The following KCNIP4 variants were observed in gnomAD, a reference collection of about 807,000 sequenced individuals.
The protein encoded by KCNIP4 is potassium voltage-gated channel interacting protein 4.
A neutral mutation model predicts 34.0 loss-of-function variants in KCNIP4; 12 were observed. The observed-to-expected ratio is 0.35, with a 90% CI of 0.23 to 0.57. The LOEUF (loss-of-function observed/expected upper bound fraction) is 0.57, where lower values mean the gene tolerates loss of function less well. Among genes scored for constraint, KCNIP4 ranks in the 20% least tolerant of loss-of-function variants. The pLI, the probability that KCNIP4 is intolerant of heterozygous loss-of-function variation, is 0.83. For synonymous variants in KCNIP4, 124 were observed against 102.2 expected (o/e 1.21, Z -1.29); for missense variants, 238 against 311.7 (o/e 0.76, Z 1.78).
intron 1 of KCNIP4, among the ~76,000 whole-genome samples, chr4:21,563,016 T>C (rs1739582792): frequency 6.6e-6 from 1 of 152,062 alleles, no homozygotes. Context: ...TAATGTCAGT[T>C]AGGTTTTAAA....
intron 1 of KCNIP4, among the ~76,000 whole-genome samples, chr4:21,585,856 G>A (rs751860052): frequency 5.3e-5 from 8 of 151,936 alleles, no homozygotes; most frequent in Admixed American, 2.0e-4. Flanking sequence ...TATGTATGAT[G>A]TTTATCAGTT....
chr4:21,374,911 G>C (rs114882709), intron 1 of KCNIP4, among the ~76,000 whole-genome samples: 1 of 147,174 alleles, frequency 6.8e-6, no homozygotes, highest in Non-Finnish European at 1.5e-5. Flanking sequence ...AGCATTTCTT[G>C]GACTTATTTA....
chr4:20,848,869 A>G (rs1398543374), intron 3 of KCNIP4, among the ~76,000 whole-genome samples: 1 of 152,194 alleles, frequency 6.6e-6, no homozygotes, highest in African/African-American at 2.4e-5. Flanking sequence ...AGGTGTTCAC[A>G]TGAACACATT....
chr4:21,550,777 A>G (rs1738516762), intron 1 of KCNIP4, among the ~76,000 whole-genome samples: 1 of 152,126 alleles, frequency 6.6e-6, no homozygotes, highest in South Asian at 2.1e-4. Flanking sequence ...AATCTTGAAG[A>G]AAGAAATTTT....
intron 1 of KCNIP4, among the ~76,000 whole-genome samples, chr4:21,265,425 C>T (rs764125199): frequency 9.2e-5 from 14 of 152,188 alleles, no homozygotes; most frequent in Admixed American, 2.0e-4. Flanking sequence ...AATAATTTCA[C>T]GATCGGAGTT....
At chr4:21,853,377 A>T (rs1460874765) in intron 1 of KCNIP4, among the ~76,000 whole-genome samples, 2 of 152,338 alleles carry the variant, frequency 1.3e-5, no homozygotes, top group East Asian at 3.9e-4. Flanking sequence ...CTAAGTTTTC[A>T]TCTGGGTTTA....
chr4:20,732,884 G>C (rs1375613991), intron 6 of KCNIP4, 99 bp from the exon 7 acceptor site: 2 of 729,774 alleles, frequency 2.7e-6, no homozygotes, highest in Non-Finnish European at 4.4e-6. Flanking sequence ...TTAAATTTTT[G>C]ACTTTTTGTT....
chr4:21,618,945 T>G (rs1468479424), intron 1 of KCNIP4, among the ~76,000 whole-genome samples: 2 of 152,088 alleles, frequency 1.3e-5, no homozygotes, highest in African/African-American at 4.8e-5. Context: ...ATTTATATAT[T>G]TTCTATATTA....
At chr4:21,194,853 CAT>C (rs1205455528) in intron 1 of KCNIP4, among the ~76,000 whole-genome samples, 1 of 152,150 alleles carries the variant, frequency 6.6e-6, no homozygotes, top group Non-Finnish European at 1.5e-5. Flanking sequence ...AAACAGCTGT[CAT>C]GTTAAGGCAC....
rs145815729 is a variant in KCNIP4 at position 21,248,971 on chromosome 4, T to TA, written c.62-366263dup. On this transcript the variant is annotated intron_variant, in intron 1 of 8. Coordinates refer to ENST00000382152, the MANE Select transcript of KCNIP4 (RefSeq NM_025221.6). ...GAGGCCAACCCAAGTGGTCAACCAG[T>TA]AAAAAATTTGGTAAGTATCATGTGA... Among the ~76,000 whole-genome samples the TA allele has an allele frequency of 3.4e-3, 516 of 152,224 alleles. 10 individuals carry two copies. The East Asian group carries it at 0.079, about 23-fold the overall frequency.
chr4:21,940,521 C>A (rs912180122), intron 1 of KCNIP4, among the ~76,000 whole-genome samples: 2 of 152,166 alleles, frequency 1.3e-5, no homozygotes, highest in Non-Finnish European at 2.9e-5. Flanking sequence ...GTTACTAAAT[C>A]TTGGATAAAC....
intron 1 of KCNIP4, among the ~76,000 whole-genome samples, chr4:20,931,184 C>T (rs1184410659): frequency 6.6e-6 from 1 of 151,510 alleles, no homozygotes; most frequent in African/African-American, 2.4e-5. Flanking sequence ...GGTACACACA[C>T]ACACACACAC....
At chr4:21,311,329 T>C (rs553776399) in intron 1 of KCNIP4, among the ~76,000 whole-genome samples, 3 of 152,276 alleles carry the variant, frequency 2.0e-5, no homozygotes, top group Non-Finnish European at 4.4e-5. Flanking sequence ...TACCCACCCA[T>C]GAAGCTGACC....
intron 6 of KCNIP4, among the ~76,000 whole-genome samples, chr4:20,733,765 A>C (rs544964196): frequency 1.3e-5 from 2 of 152,318 alleles, no homozygotes; most frequent in South Asian, 4.1e-4. Context: ...CACAATAGCC[A>C]TAAGGTCTTA....
At chr4:21,174,458 A>G (rs1426987626) in intron 1 of KCNIP4, among the ~76,000 whole-genome samples, 4 of 152,218 alleles carry the variant, frequency 2.6e-5, no homozygotes, top group Admixed American at 2.6e-4. Context: ...AATAATGCAG[A>G]TTCTTGACAT....
At chr4:21,362,179 A>G (rs1719301868) in intron 1 of KCNIP4, among the ~76,000 whole-genome samples, 1 of 152,120 alleles carries the variant, frequency 6.6e-6, no homozygotes, top group South Asian at 2.1e-4. Context: ...AATATGTAAA[A>G]TTCAAGCTGA....
intron 1 of KCNIP4, among the ~76,000 whole-genome samples, chr4:21,294,190 C>G (rs940309437): frequency 1.3e-5 from 2 of 152,176 alleles, no homozygotes; most frequent in African/African-American, 2.4e-5. Flanking sequence ...ATGCCATCTT[C>G]TTGCTTACCA....
intron 3 of KCNIP4, among the ~76,000 whole-genome samples, chr4:20,810,961 A>G (rs1022643924): frequency 6.6e-6 from 1 of 152,188 alleles, no homozygotes; most frequent in Non-Finnish European, 1.5e-5. Flanking sequence ...GATGATACAT[A>G]TGACGTGGAC....
intron 1 of KCNIP4, among the ~76,000 whole-genome samples, chr4:21,274,537 A>G (rs369599258): frequency 1.3e-5 from 2 of 152,206 alleles, no homozygotes; most frequent in African/African-American, 4.8e-5. Flanking sequence ...AAAAGGTTAC[A>G]TTACTACAAT....
Sources: allele counts gnomAD v4.1 joint callset (sites outside exome capture counted in the v4.1 genomes callset), GRCh38; gene constraint gnomAD v4.1.1; transcripts MANE v1.5; gene names NCBI Gene and HGNC (gene_info 2026-07-23, HGNC 2026-07-21).